Variants in PABPC4L observed in about 807,000 individuals in gnomAD.
PABPC4L encodes polyadenylate-binding protein 4-like.
For synonymous variants in PABPC4L, 169 were observed against 164.1 expected, an observed-to-expected ratio of 1.03 and a Z score of -0.23; for missense variants, 452 against 451.4, an observed-to-expected ratio of 1.00 and a Z score of -0.01.
the PABPC4L span, among the ~76,000 whole-genome samples, chr4:133,980,540 A>T: frequency 6.6e-6 from 1 of 152,220 alleles, no homozygotes; most frequent in Admixed American, 6.5e-5. Context: ...ATATGCACAC[A>T]CACACGAGAC....
At chr4:134,181,895 T>A in the PABPC4L span, among the ~76,000 whole-genome samples, 1 of 151,702 alleles carries the variant, frequency 6.6e-6, no homozygotes, top group East Asian at 1.9e-4. Flanking sequence ...TGGAAAAACA[T>A]TCCATGCTCA....
chr4:133,974,463 GT>G, the PABPC4L span, among the ~76,000 whole-genome samples: 4 of 151,846 alleles, frequency 2.6e-5, no homozygotes, highest in Non-Finnish European at 4.4e-5. Flanking sequence ...TTAACCAAAT[GT>G]TTTTTAAATG....
At chr4:133,978,975 A>G in the PABPC4L span, 2 of 152,192 alleles carry the variant, frequency 1.3e-5, no homozygotes, top group African/African-American at 4.8e-5. Flanking sequence ...TAATTTGAAA[A>G]GACGCAATTA....
chr4:134,068,793 C>A, the PABPC4L span, among the ~76,000 whole-genome samples: 25 of 151,832 alleles, frequency 1.6e-4, no homozygotes, highest in Non-Finnish European at 3.1e-4. Context: ...ACTGCAACCT[C>A]CACCTCCTGG....
chr4:134,093,054 A>T, the PABPC4L span, among the ~76,000 whole-genome samples: 105,318 of 151,790 alleles, frequency 0.69, 36,982 homozygotes, highest in East Asian at 0.96. Flanking sequence ...TTTTGTGTTT[A>T]CTGTTAAAAT....
At chr4:133,977,323 GTA>G in the PABPC4L span, among the ~76,000 whole-genome samples, 23 of 152,202 alleles carry the variant, frequency 1.5e-4, 1 homozygote, top group South Asian at 4.8e-3. Flanking sequence ...TAGCCTTGTA[GTA>G]TAGTTTGAAG....
chr4:134,090,081 A>T, the PABPC4L span, among the ~76,000 whole-genome samples: 1 of 152,086 alleles, frequency 6.6e-6, no homozygotes, highest in African/African-American at 2.4e-5. Flanking sequence ...GTATTCAGTG[A>T]TAAGGCCCAA....
chr4:134,122,603 T>C, the PABPC4L span, among the ~76,000 whole-genome samples: 5 of 151,796 alleles, frequency 3.3e-5, no homozygotes, highest in Non-Finnish European at 5.9e-5. Flanking sequence ...GAAAAGCAAT[T>C]TCTAGTTCCA....
chr4:134,044,003 G>T, the PABPC4L span, among the ~76,000 whole-genome samples: 1 of 151,872 alleles, frequency 6.6e-6, no homozygotes, highest in African/African-American at 2.4e-5. Context: ...CGACACCTAG[G>T]TGTCATTCTG....
At chr4:134,049,907 C>T in the PABPC4L span, among the ~76,000 whole-genome samples, 18 of 152,202 alleles carry the variant, frequency 1.2e-4, no homozygotes, top group African/African-American at 2.2e-4. Context: ...AGAATCTCAT[C>T]GCATGACTGC....
the PABPC4L span, among the ~76,000 whole-genome samples, chr4:134,019,452 T>A: frequency 4.9e-3 from 739 of 152,250 alleles, 8 homozygotes; most frequent in African/African-American, 0.017. Flanking sequence ...CTGATTTCCA[T>A]CAAATAAGTT....
chr4:134,176,156 C>G, the PABPC4L span, among the ~76,000 whole-genome samples: 2 of 151,942 alleles, frequency 1.3e-5, no homozygotes, highest in Non-Finnish European at 2.9e-5. Flanking sequence ...GTTAATTATT[C>G]TCTTAAATAC....
the PABPC4L span, among the ~76,000 whole-genome samples, chr4:134,089,233 T>C: frequency 1.3e-5 from 2 of 152,120 alleles, no homozygotes. Context: ...AGACTATTCT[T>C]TCAATTTTTT....
the PABPC4L span, among the ~76,000 whole-genome samples, chr4:134,016,909 C>T: frequency 4.1e-3 from 618 of 152,198 alleles, 7 homozygotes; most frequent in Non-Finnish European, 6.6e-3. Context: ...AAATTGACTA[C>T]TCACATGCCC....
At chr4:134,014,256 C>A in the PABPC4L span, among the ~76,000 whole-genome samples, 2 of 152,316 alleles carry the variant, frequency 1.3e-5, no homozygotes, top group East Asian at 1.9e-4. Context: ...ACTTAATTAA[C>A]CTCACCTTCA....
chr4:134,083,870 A>G, the PABPC4L span, among the ~76,000 whole-genome samples: 1 of 152,130 alleles, frequency 6.6e-6, no homozygotes, highest in South Asian at 2.1e-4. Context: ...TATATGTGAT[A>G]CATTATAAAA....
At chr4:133,992,675 G>A in the PABPC4L span, among the ~76,000 whole-genome samples, 1 of 152,174 alleles carries the variant, frequency 6.6e-6, no homozygotes, top group East Asian at 1.9e-4. Context: ...CCAATAGAAT[G>A]TAGCAGGTAC....
At chr4:134,084,403 G>A in the PABPC4L span, among the ~76,000 whole-genome samples, 2 of 151,908 alleles carry the variant, frequency 1.3e-5, no homozygotes, top group Non-Finnish European at 2.9e-5. Context: ...TTCTCTATGA[G>A]TTTCCTACTT....
At chr4:133,994,184 G>A in the PABPC4L span, among the ~76,000 whole-genome samples, 7 of 152,176 alleles carry the variant, frequency 4.6e-5, no homozygotes, top group South Asian at 6.2e-4. Context: ...TGGGAATGAC[G>A]AAAATGGGTG....
Sources: gnomAD v4.1 joint callset for allele counts (sites outside exome capture counted in the v4.1 genomes callset) on GRCh38, gnomAD v4.1.1 for gene constraint, MANE v1.5 for transcripts, NCBI Gene and HGNC (gene_info 2026-07-23, HGNC 2026-07-21) for gene names.